Variants in FMN2 observed in about 807,000 individuals in gnomAD.
FMN2 encodes the protein formin-2.
Under a neutral mutation model 142.3 loss-of-function variants are expected in FMN2, and 51 were observed. The observed-to-expected ratio is 0.36, with a 90% CI of 0.29 to 0.45. FMN2 has a LOEUF of 0.45. Among genes scored for constraint, FMN2 ranks in the 20% least tolerant of loss-of-function variants. FMN2 has a pLI of 1.00. For synonymous variants in FMN2, 882 were observed against 869.8 expected (o/e 1.01, Z -0.25); for missense variants, 1,936 against 2,122.8 (o/e 0.91, Z 1.73).
intron 4 of FMN2, among the ~76,000 whole-genome samples, chr1:240,194,130 C>CTTCCG (rs71919276): frequency 1.3e-4 from 2 of 14,824 alleles, no homozygotes; most frequent in African/African-American, 8.0e-4. Flanking sequence ...CTGCACTCCT[C>CTTCCG]TTTTTAAAAA....
intron 15 of FMN2, chr1:240,400,731 C>G (rs894264330): frequency 2.0e-5 from 3 of 152,176 alleles, no homozygotes; most frequent in African/African-American, 7.2e-5. Context: ...CTTTAGAACC[C>G]AAAGCCTCAG....
intron 2 of FMN2, among the ~76,000 whole-genome samples, chr1:240,159,974 T>TATATATACACACACAC (rs1202421069): frequency 0.032 from 4,284 of 133,940 alleles, 107 homozygotes; most frequent in Non-Finnish European, 0.053. Context: ...TATATATATA[T>TATATATACACACACAC]ACACACACAC....
intron 4 of FMN2, among the ~76,000 whole-genome samples, chr1:240,188,571 TC>T (rs1665576453): frequency 6.6e-6 from 1 of 152,146 alleles, no homozygotes; most frequent in Admixed American, 6.5e-5. Context: ...CAGGGAGAAG[TC>T]TGCGAGATGT....
chr1:240,212,210 G>A (rs1377443883), intron 6 of FMN2, among the ~76,000 whole-genome samples: 1 of 152,114 alleles, frequency 6.6e-6, no homozygotes, highest in African/African-American at 2.4e-5. Context: ...CACATGACCT[G>A]GAGTTGTTTC....
chr1:240,295,484 T>C (rs2102962287), intron 8 of FMN2, among the ~76,000 whole-genome samples: 1 of 152,328 alleles, frequency 6.6e-6, no homozygotes, highest in Non-Finnish European at 1.5e-5. Flanking sequence ...TTATGCTTTC[T>C]GTTTCTATGA....
chr1:240,390,697 T>C (rs1376420275), intron 14 of FMN2, among the ~76,000 whole-genome samples: 2 of 152,220 alleles, frequency 1.3e-5, no homozygotes, highest in Non-Finnish European at 2.9e-5. Context: ...GGCACCGTGC[T>C]AAGTATTTTG....
intron 2 of FMN2, among the ~76,000 whole-genome samples, chr1:240,157,104 G>T (rs963409938): frequency 6.6e-6 from 1 of 152,104 alleles, no homozygotes; most frequent in Non-Finnish European, 1.5e-5. Flanking sequence ...AAAGTCTACC[G>T]CACAGCTTAC....
intron 14 of FMN2, among the ~76,000 whole-genome samples, chr1:240,361,164 TATATATATATATATATATATAA>T (rs1558452616): frequency 1.7e-4 from 11 of 65,772 alleles, no homozygotes; most frequent in African/African-American, 2.9e-4. Flanking sequence ...TATATATATA[TATATATATATATATATATATAA>T]AAGAGTTTAA....
chr1:240,140,678 A>G (rs1663144764), intron 2 of FMN2, among the ~76,000 whole-genome samples: 1 of 151,792 alleles, frequency 6.6e-6, no homozygotes, highest in African/African-American at 2.4e-5. Context: ...GGTGGGTGGG[A>G]AGTCTCTTCC....
At chr1:240,312,932 A>G (rs1356237650) in intron 8 of FMN2, among the ~76,000 whole-genome samples, 2 of 152,204 alleles carry the variant, frequency 1.3e-5, no homozygotes, top group Non-Finnish European at 2.9e-5. Flanking sequence ...TGTCAATGCA[A>G]AAGACTTAAG....
chr1:240,147,224 A>G (rs1663525275), intron 2 of FMN2, among the ~76,000 whole-genome samples: 1 of 152,128 alleles, frequency 6.6e-6, no homozygotes, highest in Non-Finnish European at 1.5e-5. Flanking sequence ...CCATTTTCTG[A>G]TGTGAAAACT....
chr1:240,378,905 T>C (rs1673136707), intron 14 of FMN2, among the ~76,000 whole-genome samples: 1 of 152,234 alleles, frequency 6.6e-6, no homozygotes, highest in African/African-American at 2.4e-5. Flanking sequence ...ATTAATATCC[T>C]TATTTGCTGG....
chr1:240,203,372 C>G (rs1374306476), intron 4 of FMN2, among the ~76,000 whole-genome samples: 1 of 152,148 alleles, frequency 6.6e-6, no homozygotes, highest in Non-Finnish European at 1.5e-5. Flanking sequence ...ATGTTCATTG[C>G]AGCACTAGTC....
intron 3 of FMN2, among the ~76,000 whole-genome samples, chr1:240,187,738 C>T (rs189605103): frequency 6.6e-6 from 1 of 152,166 alleles, no homozygotes; most frequent in Non-Finnish European, 1.5e-5. Context: ...TCCCTTCTTA[C>T]TCAGTGTCTC....
chr1:240,261,031 T>C (rs554002855), intron 7 of FMN2, among the ~76,000 whole-genome samples: 1 of 152,328 alleles, frequency 6.6e-6, no homozygotes, highest in Non-Finnish European at 1.5e-5. Flanking sequence ...CTTTATGTTT[T>C]TGTTTGCTTT....
intron 7 of FMN2, among the ~76,000 whole-genome samples, chr1:240,266,518 C>G (rs1214003115): frequency 6.6e-6 from 1 of 151,990 alleles, no homozygotes; most frequent in African/African-American, 2.4e-5. Flanking sequence ...CCAGCTGCAT[C>G]CATGTTACTG....
At position 240,246,626 on chromosome 1, in the gene FMN2, C is replaced by G. The variant is rs114569418; in HGVS notation, c.4066-11319C>G. ...CTCGTTAGAAACAAAGAACCTCAGT[C>G]CCACCCAGATTTAGGGATCAGAATC... On this transcript the variant is annotated intron_variant, in intron 6 of 17. Transcript: ENST00000319653. Among the ~76,000 whole-genome samples, 2 of 152,196 alleles carry G rather than the reference C, an allele frequency of 1.3e-5. 1 individual carries two copies. The highest frequency in any genetic ancestry group is 2.9e-5 in the Non-Finnish European group (2 of 67,984).
rs115660301 is a variant in FMN2, at chr1:240,202,475, G to A, written c.1987-4324G>A. The stretch of plus-strand genomic sequence containing the variant: ...TGTTACTATGCTAGGCCATTATTAG[G>A]ATCATTTTCTTTTTATTACTATTGT... On this transcript the variant is annotated intron_variant, in intron 4 of 17. Transcript: ENST00000319653. Among the ~76,000 whole-genome samples the A allele has an allele frequency of 9.7e-3, 1,472 of 152,146 alleles. 9 individuals are homozygous for A. The highest frequency in any genetic ancestry group is 0.024 in the Middle Eastern group (7 of 294).
intron 4 of FMN2, among the ~76,000 whole-genome samples, chr1:240,204,793 A>T (rs777096864): frequency 6.6e-6 from 1 of 152,164 alleles, no homozygotes; most frequent in Non-Finnish European, 1.5e-5. Context: ...ATGGGGGGAA[A>T]AAGGTGCCCT....
Sources: gnomAD v4.1 joint callset for allele counts (sites outside exome capture counted in the v4.1 genomes callset) on GRCh38, gnomAD v4.1.1 for gene constraint, MANE v1.5 for transcripts, NCBI Gene and HGNC (gene_info 2026-07-23, HGNC 2026-07-21) for gene names.